The following HEATR5A variants were observed in gnomAD, a reference collection of about 807,000 sequenced individuals.
The protein encoded by HEATR5A is HEAT repeat-containing protein 5A.
Under a neutral mutation model 218.8 loss-of-function variants are expected in HEATR5A, and 178 were observed. The ratio of observed to expected loss-of-function variants is 0.81; its 90% CI spans 0.72 to 0.92. The LOEUF is 0.92. Ranked by LOEUF, HEATR5A falls within the 40% of genes least tolerant of loss-of-function variation. HEATR5A has a pLI of 0.00. For missense variants in HEATR5A, 2,420 were observed against 2,418.9 expected (o/e 1.00, Z -0.01); for synonymous variants, 864 against 871.6 (o/e 0.99, Z 0.15).
chr14:31,358,425 G>GTATCTGTGTATTGTA (rs1901500414), intron 16 of HEATR5A, among the ~76,000 whole-genome samples: 1 of 152,176 alleles, frequency 6.6e-6, no homozygotes, highest in Non-Finnish European at 1.5e-5. Context: ...TAAGCTGTGA[G>GTATCTGTGTATTGTA]CAAAGTATTG....
At chr14:31,413,076 TACTTCTAATTGTAATATATAATGAAAA>T (rs2031334475) in intron 1 of HEATR5A, among the ~76,000 whole-genome samples, 1 of 152,186 alleles carries the variant, frequency 6.6e-6, no homozygotes, top group South Asian at 2.1e-4. Flanking sequence ...ACGGCACTAA[TACTTCTAATTGTAATATATAATGAAAA>T]CACATTCAGT....
intron 11 of HEATR5A, among the ~76,000 whole-genome samples, chr14:31,375,279 C>T (rs1403318908): frequency 4.6e-5 from 7 of 152,184 alleles, no homozygotes; most frequent in African/African-American, 1.4e-4. Context: ...CCCTGTAATG[C>T]TTGTCTTTAA....
intron 11 of HEATR5A, among the ~76,000 whole-genome samples, chr14:31,379,013 C>T (rs1444543413): frequency 1.4e-5 from 2 of 144,416 alleles, no homozygotes; most frequent in South Asian, 2.3e-4. Flanking sequence ...ATGATCTCAG[C>T]TCACTGCAAC....
chr14:31,390,534 G>GT (rs1471698334), intron 6 of HEATR5A, among the ~76,000 whole-genome samples: 1 of 152,122 alleles, frequency 6.6e-6, no homozygotes, highest in Non-Finnish European at 1.5e-5. Flanking sequence ...GAAAAAAGCT[G>GT]TAAGAATAGT....
intron 11 of HEATR5A, among the ~76,000 whole-genome samples, chr14:31,379,249 TTCA>T (rs2029887875): frequency 7.4e-6 from 1 of 134,516 alleles, no homozygotes. Flanking sequence ...GCCCGAACTA[TTCA>T]TTTTTTGTTT....
At chr14:31,350,511 A>T (rs1901183167) in intron 17 of HEATR5A, 101 bp downstream of exon 17, 1 of 663,770 alleles carries the variant, frequency 1.5e-6, no homozygotes, top group Non-Finnish European at 2.6e-6. Flanking sequence ...AAAATGAAGG[A>T]AAAAAGAGCA....
chr14:31,378,554 G>A (rs993700086), intron 11 of HEATR5A, among the ~76,000 whole-genome samples: 4 of 152,140 alleles, frequency 2.6e-5, no homozygotes, highest in South Asian at 2.1e-4. Context: ...TTGGGAGGCC[G>A]AGGCAGGTGG....
intron 1 of HEATR5A, among the ~76,000 whole-genome samples, chr14:31,419,810 A>G (rs1427272766): frequency 6.6e-6 from 1 of 152,270 alleles, no homozygotes; most frequent in Non-Finnish European, 1.5e-5. Flanking sequence ...GTTGGCCGAG[A>G]GTAGGGTGAA....
rs115367452 is a variant in HEATR5A, at chr14:31,344,203, G to T, written c.3059-138C>A. On this transcript the variant is annotated intron_variant, in intron 20 of 35. Transcript: ENST00000543095. ...TAAAATTTACAGTCACTACAAATCT[G>T]TGATGTACAATTTCTTCTACAAAAG... The T allele has an allele frequency of 5.2e-3, 1,772 of 341,346 alleles. 25 individuals carry two copies. Among genetic ancestry groups the T allele is most frequent in the African/African-American group, 0.035 (1,613 of 46,284 alleles). 21.1% of individuals were successfully genotyped at this position (341,346 alleles called of 1,614,324 possible).
At chr14:31,304,477 G>C (rs1899489846) in intron 32 of HEATR5A, among the ~76,000 whole-genome samples, 1 of 152,036 alleles carries the variant, frequency 6.6e-6, no homozygotes, top group Admixed American at 6.6e-5. Flanking sequence ...GAGTGCAATG[G>C]CGTGATCCTG....
At chr14:31,326,039 C>A in intron 23 of HEATR5A, 124 bp downstream of exon 23, 1 of 694,526 alleles carries the variant, frequency 1.4e-6, no homozygotes. Context: ...TGAAGAAAAG[C>A]AACAATCAGA....
Position 31,309,017 on chromosome 14 carries a change from G to A in HEATR5A, c.4607C>T (p.Thr1536Ile). 2 of 1,613,918 alleles carry A rather than the reference G, an allele frequency of 1.2e-6. No individual in the cohort carries two copies. The highest frequency in any genetic ancestry group is 1.7e-6 in the Non-Finnish European group (2 of 1,179,822). ...ASNLSRPVTP[T>I]SMCQGSSSGA... ...AGATGATGAACCCTGACACATGGAA[G>A]TTGGTGTTACAGGCCTGGAGAGATT... Residue 1536 changes from threonine to isoleucine, a missense_variant, in exon 29 of 36, where the codon ACT becomes ATT. Transcript: ENST00000543095.
At chr14:31,385,940 C>T (rs983652728) in intron 9 of HEATR5A, among the ~76,000 whole-genome samples, 2 of 152,082 alleles carry the variant, frequency 1.3e-5, no homozygotes, top group East Asian at 1.9e-4. Flanking sequence ...GTTGGCCAGG[C>T]TGGTCTTGAA....
intron 16 of HEATR5A, among the ~76,000 whole-genome samples, chr14:31,353,205 T>C (rs1331380712): frequency 6.6e-6 from 1 of 152,108 alleles, no homozygotes. Context: ...GAGTAAAATT[T>C]TTAGAAAACA....
At chr14:31,325,555 C>T (rs998232703) in intron 23 of HEATR5A, among the ~76,000 whole-genome samples, 1 of 151,988 alleles carries the variant, frequency 6.6e-6, no homozygotes, top group Non-Finnish European at 1.5e-5. Flanking sequence ...GTTGCCCAGG[C>T]TGGAGTGCAG....
intron 33 of HEATR5A, chr14:31,296,411 G>T: frequency 5.2e-6 from 1 of 192,204 alleles, no homozygotes; most frequent in Non-Finnish European, 1.1e-5. Flanking sequence ...CATTGATAGG[G>T]TTGTGAAGAT....
Position 31,345,221 on chromosome 14 carries a change from T to TA in HEATR5A, c.2923dup (p.Tyr975LeufsTer24). On this transcript the variant is annotated frameshift_variant, in exon 20 of 36. Transcript: ENST00000543095. LOFTEE classifies it high-confidence loss of function. ...AGAAAGGGTAGGTTCCACATGCACA[T>TA]AATAGAGTGGGCCAGCAGAATCAAT... 6.2e-7 allele frequency: 1 copy of TA among 1,612,384 alleles called. No homozygotes were observed.
At chr14:31,325,483 CAT>C (rs1491255286) in intron 23 of HEATR5A, among the ~76,000 whole-genome samples, 1 of 148,704 alleles carries the variant, frequency 6.7e-6, no homozygotes, top group Non-Finnish European at 1.5e-5. Context: ...TATGTATGAA[CAT>C]ATGTATGTAT....
At chr14:31,344,427 C>T (rs1900955502) in intron 20 of HEATR5A, among the ~76,000 whole-genome samples, 2 of 151,712 alleles carry the variant, frequency 1.3e-5, no homozygotes, top group African/African-American at 4.8e-5. Flanking sequence ...TACAGGCGCA[C>T]ACCACCATGC....
Sources: gnomAD v4.1 joint callset for allele counts (sites outside exome capture counted in the v4.1 genomes callset) on GRCh38, gnomAD v4.1.1 for gene constraint, MANE v1.5 for transcripts, NCBI Gene and HGNC (gene_info 2026-07-23, HGNC 2026-07-21) for gene names.